Variants in ANKRD6 observed in about 807,000 individuals in gnomAD.
ANKRD6 encodes ankyrin repeat domain 6.
A neutral mutation model predicts 82.3 loss-of-function variants in ANKRD6; 56 were observed. The observed-to-expected ratio is 0.68, with a 90% CI of 0.55 to 0.85. The LOEUF is 0.85. Ranked by LOEUF, ANKRD6 falls within the 40% of genes least tolerant of loss-of-function variation. The pLI is 0.00. For missense variants in ANKRD6, 852 were observed against 907.6 expected, an observed-to-expected ratio of 0.94 and a Z score of 0.79; for synonymous variants, 347 against 352.1, an observed-to-expected ratio of 0.99 and a Z score of 0.16.
chr6:89,543,570 C>A (rs577252133), intron 1 of ANKRD6, among the ~76,000 whole-genome samples: 1 of 152,296 alleles, frequency 6.6e-6, no homozygotes, highest in Admixed American at 6.5e-5. Flanking sequence ...CCAGCACCCG[C>A]CTGTGGCCTG....
At chr6:89,540,540 G>A (rs1322466802) in intron 1 of ANKRD6, among the ~76,000 whole-genome samples, 1 of 152,130 alleles carries the variant, frequency 6.6e-6, no homozygotes, top group African/African-American at 2.4e-5. Flanking sequence ...CTTGTCAGGT[G>A]GATAGTTTGC....
rs1030423363 is a variant in ANKRD6 at position 89,630,989 on chromosome 6, G to A, written c.2169G>A (p.Val723=). The A allele has an allele frequency of 1.2e-5, 19 of 1,536,570 alleles. No individual in the cohort carries two copies. Among genetic ancestry groups the A allele is most frequent in the East Asian group, 2.3e-5 (1 of 42,786 alleles). Residue 723 remains valine, a synonymous_variant, in exon 16 of 16, where the codon GTG becomes GTA. Transcript: ENST00000339746. The part of the protein sequence containing the change: ...EEELAKLRTR[V]QKEN ...AACTTGCCAAACTAAGGACTAGGGT[G>A]CAGAAGGAAAATTAGCACCAATAAA...
chr6:89,616,755 T>C, intron 8 of ANKRD6, 98 bp downstream of exon 8: 1 of 1,179,556 alleles, frequency 8.5e-7, no homozygotes, highest in Non-Finnish European at 1.3e-6. Context: ...CCCAGCGCAC[T>C]CTGGAAGACG....
At chr6:89,517,278 A>G (rs1562698367) in intron 1 of ANKRD6, among the ~76,000 whole-genome samples, 1 of 152,242 alleles carries the variant, frequency 6.6e-6, no homozygotes, top group African/African-American at 2.4e-5. Context: ...TTAAAAATTA[A>G]TAGTAGTTTA....
At chr6:89,485,888 A>G (rs1777308619) in intron 1 of ANKRD6, among the ~76,000 whole-genome samples, 1 of 152,198 alleles carries the variant, frequency 6.6e-6, no homozygotes, top group African/African-American at 2.4e-5. Context: ...ATTTGCTGTG[A>G]TGTTTGTGCA....
intron 2 of ANKRD6, among the ~76,000 whole-genome samples, chr6:89,585,896 C>T (rs1793584460): frequency 6.6e-6 from 1 of 152,180 alleles, no homozygotes; most frequent in Non-Finnish European, 1.5e-5. Context: ...CAGAGCGAGA[C>T]TCTGTCTCAC....
rs549190318 is a variant in ANKRD6, at chr6:89,550,693, C to T, written c.-143-16141C>T. ...TGAGTAGGCCAGGTGCGGTGTCTCA[C>T]ACCTGTAATCCCAGCACTTTGGGAG... On this transcript the variant is annotated intron_variant, in intron 1 of 15. Transcript: ENST00000339746. 5.5e-4 allele frequency among the ~76,000 whole-genome samples: 83 copies of T among 152,272 alleles called. 1 individual carries two copies. The South Asian group carries it at 0.017, about 31-fold the overall frequency.
intron 1 of ANKRD6, among the ~76,000 whole-genome samples, chr6:89,510,536 A>G (rs1780406108): frequency 6.6e-6 from 1 of 152,128 alleles, no homozygotes; most frequent in Non-Finnish European, 1.5e-5. Flanking sequence ...AGCTTTATTG[A>G]TATCTAGTTC....
chr6:89,546,156 C>T (rs1785071715), intron 1 of ANKRD6, among the ~76,000 whole-genome samples: 1 of 152,226 alleles, frequency 6.6e-6, no homozygotes, highest in African/African-American at 2.4e-5. Context: ...GCTCAGTTTA[C>T]AAAAGAAACA....
At chr6:89,442,035 G>A (rs1430934337) in intron 1 of ANKRD6, among the ~76,000 whole-genome samples, 1 of 151,312 alleles carries the variant, frequency 6.6e-6, no homozygotes, top group Non-Finnish European at 1.5e-5. Context: ...GTCTCACTCT[G>A]TCGCCCAGGC....
chr6:89,454,696 T>C (rs2127961004), intron 1 of ANKRD6, among the ~76,000 whole-genome samples: 1 of 152,350 alleles, frequency 6.6e-6, no homozygotes, highest in Middle Eastern at 3.4e-3. Flanking sequence ...AAATTGTACA[T>C]ATTGGAATCA....
Position 89,576,790 on chromosome 6 carries a change from C to T in ANKRD6, c.120+9694C>T, listed in dbSNP as rs564376083. Among the ~76,000 whole-genome samples the T allele has an allele frequency of 3.9e-5, 6 of 152,268 alleles. No homozygotes were observed. In the East Asian group the frequency reaches 9.7e-4, roughly 25 times the overall value. On this transcript the variant is annotated intron_variant, in intron 2 of 15. Transcript: ENST00000339746. ...TTTTCCTGCCTCTAAAATTGGCTTT[C>T]CTCAGGCCCTCTGCGCTCATCTGCT...
Position 89,627,618 on chromosome 6 carries a change from T to C in ANKRD6, c.1407T>C (p.Leu469=), listed in dbSNP as rs755802503. ...RVLDKLMVER[L]SAERTECLNR... is the part of the protein sequence containing the mutation. The stretch of plus-strand genomic sequence containing the variant: ...TGGACAAGCTGATGGTTGAGCGACT[T>C]TCTGCAGAGAGGACGGAGTGCCTGA... Residue 469 remains leucine (L), a synonymous_variant, in exon 14 of 16, where the codon CTT becomes CTC. Coordinates refer to ENST00000339746, the MANE Select transcript of ANKRD6 (RefSeq NM_001242809.2). 2.5e-6 allele frequency: 4 copies of C among 1,613,834 alleles called. No homozygotes were observed. Among genetic ancestry groups the C allele is most frequent in the Non-Finnish European group, 3.4e-6 (4 of 1,179,786 alleles).
At chr6:89,570,329 G>C (rs1789552939) in intron 2 of ANKRD6, among the ~76,000 whole-genome samples, 1 of 151,904 alleles carries the variant, frequency 6.6e-6, no homozygotes, top group Non-Finnish European at 1.5e-5. Context: ...CCAAAGTATT[G>C]GAATTACAGG....
At chr6:89,621,844 C>A in intron 9 of ANKRD6, 78 bp from the exon 10 acceptor site, 1 of 1,396,530 alleles carries the variant, frequency 7.2e-7, no homozygotes, top group Admixed American at 1.9e-5. Flanking sequence ...TAGGTCAGAG[C>A]CCCAGGTCCA....
intron 5 of ANKRD6, among the ~76,000 whole-genome samples, chr6:89,607,112 G>A (rs1373666548): frequency 6.6e-6 from 1 of 151,174 alleles, no homozygotes; most frequent in East Asian, 1.9e-4. Context: ...GGAAGTTGCA[G>A]TGAGCTTAGT....
At chr6:89,598,388 G>A in intron 3 of ANKRD6, 9 of 985,232 alleles carry the variant, frequency 9.1e-6, no homozygotes, top group Non-Finnish European at 1.1e-5. Context: ...AACCACAGAG[G>A]GAAGGTTAGG....
At chr6:89,604,459 C>T (rs1798019061) in intron 4 of ANKRD6, among the ~76,000 whole-genome samples, 1 of 130,936 alleles carries the variant, frequency 7.6e-6, no homozygotes, top group Non-Finnish European at 1.7e-5. Flanking sequence ...AATTCAGCCT[C>T]TGCTTACTTT....
In ANKRD6 at chr6:89,610,812, A is replaced by C. The variant is rs1324954958; in HGVS notation, c.418-1460A>C. The stretch of plus-strand genomic sequence containing the variant: ...GAAAAAAAACAAAACTTAAAAAAAA[A>C]AAAAACCTGAAGACCAGGCCTGGGG... On this transcript the variant is annotated intron_variant, in intron 5 of 15. Transcript: ENST00000339746. Among the ~76,000 whole-genome samples the C allele has an allele frequency of 3.3e-5, 5 of 152,062 alleles. No homozygotes were observed. The East Asian group carries it at 9.6e-4, about 29-fold the overall frequency.
Sources: gnomAD v4.1 joint callset for allele counts (sites outside exome capture counted in the v4.1 genomes callset) on GRCh38, gnomAD v4.1.1 for gene constraint, MANE v1.5 for transcripts, NCBI Gene and HGNC (gene_info 2026-07-23, HGNC 2026-07-21) for gene names.